BCL2L11: variants seen among roughly 807,000 people sequenced by gnomAD.
BCL2L11 encodes the protein bcl-2-like protein 11.
In BCL2L11, 15 loss-of-function variants were observed where a neutral mutation model predicts 20.6. The ratio of observed to expected loss-of-function variants is 0.73; its 90% CI spans 0.49 to 1.12. BCL2L11 has a LOEUF of 1.12. Ranked by LOEUF, BCL2L11 falls within the 50% of genes most tolerant of loss-of-function variation. The probability of loss-of-function intolerance (pLI) is 0.00; values close to 1 mark genes in which losing one functional copy is unlikely to be tolerated. For synonymous variants in BCL2L11, 108 were observed against 92.8 expected (o/e 1.16, Z -0.94); for missense variants, 292 against 260.9 (o/e 1.12, Z -0.82).
intron 2 of BCL2L11, among the ~76,000 whole-genome samples, chr2:111,140,162 T>C (rs778918143): frequency 2.2e-4 from 34 of 152,190 alleles, no homozygotes; most frequent in Non-Finnish European, 4.0e-4. Flanking sequence ...TGAACTTGGG[T>C]CTTTGGTACT....
intron 2 of BCL2L11, chr2:111,128,603 C>CT (rs58812324): frequency 0.24 from 323,199 of 1,369,860 alleles, 4,534 homozygotes; most frequent in Non-Finnish European, 0.25. Context: ...CTTACCAACA[C>CT]TTTTTTTTTT....
rs1278862668 is a variant in BCL2L11 at position 111,123,985 on chromosome 2, C to G, written c.240C>G (p.Phe80Leu). 7 of 1,614,134 alleles carry G rather than the reference C, an allele frequency of 4.3e-6. No homozygotes were observed. The highest frequency in any genetic ancestry group is 5.1e-6 in the Non-Finnish European group (6 of 1,180,048). The change falls in exon 2 of 4, where the codon TTC (phenylalanine) becomes TTG (leucine). Residue 80 changes from phenylalanine (F) to leucine (L), a missense_variant. Physicochemically the swap from Phe to Leu is conservative, Grantham distance 22. Transcript: ENST00000393256. ...CTTTTGCTACCAGATCCCCGCTTTTCATCTTTATGAGAAGATCCTCCCTGC... is the reference window on the plus strand; with the variant it reads ...CTTTTGCTACCAGATCCCCGCTTTTGATCTTTATGAGAAGATCCTCCCTGC... ...PGPFATRSPL[F>L]IFMRRSSLLS...
intron 1 of BCL2L11, chr2:111,122,552 C>G (rs1481699473): frequency 2.1e-6 from 2 of 952,650 alleles, no homozygotes; most frequent in Middle Eastern, 5.4e-4. Context: ...CGCGCGCGGA[C>G]CAATTGGGAA....
intron 2 of BCL2L11, among the ~76,000 whole-genome samples, chr2:111,143,094 G>C (rs1304338454): frequency 6.6e-6 from 1 of 152,052 alleles, no homozygotes; most frequent in African/African-American, 2.4e-5. Context: ...CTTAGTTTTG[G>C]GATTATTTTT....
chr2:111,149,316 GA>G, intron 2 of BCL2L11, among the ~76,000 whole-genome samples: 1 of 152,198 alleles, frequency 6.6e-6, no homozygotes, highest in Non-Finnish European at 1.5e-5. Flanking sequence ...ACAGCTTAAT[GA>G]AAGGGCAGTC....
rs1429573443 is a variant in BCL2L11, at chr2:111,123,810, C to T, written c.65C>T (p.Ala22Val). 3 of 1,495,066 alleles carry T rather than the reference C, an allele frequency of 2.0e-6. No homozygotes were observed. The highest frequency in any genetic ancestry group is 2.4e-5 in the East Asian group (1 of 42,328). The allele number at this position is 1,495,066 out of a possible 1,614,324, so 92.6% of individuals were successfully genotyped here. ...CDREGRQLQP[A>V]ERPPQLRPGA... ...CGAGAAGGTAGACAATTGCAGCCTGCGGAGAGGCCTCCCCAGCTCAGACCT... is the reference window on the plus strand; with the variant it reads ...CGAGAAGGTAGACAATTGCAGCCTGTGGAGAGGCCTCCCCAGCTCAGACCT... The change falls in exon 2 of 4, where the codon GCG (alanine) becomes GTG (valine). Residue 22 changes from alanine (A) to valine (V), a missense_variant. Physicochemically the swap from Ala to Val is moderately conservative, Grantham distance 64. Coordinates refer to ENST00000393256, the MANE Select transcript of BCL2L11 (RefSeq NM_138621.5).
At position 111,167,447 on chromosome 2, in the gene BCL2L11, A is replaced by C. The variant is rs142474437; in HGVS notation, c.*3216A>C. Reference sequence around the variant, plus strand: ...CATGCAAGCAAATTTTGCTGACTCCAGGCTTTATCTTTAGGAAAACAAAAA... The same window carrying C: ...CATGCAAGCAAATTTTGCTGACTCCCGGCTTTATCTTTAGGAAAACAAAAA... On this transcript the variant is annotated 3_prime_UTR_variant, in exon 4 of 4. Transcript: ENST00000393256. 1 of 152,326 alleles carries C rather than the reference A, an allele frequency of 6.6e-6. No individual in the cohort carries two copies. Among genetic ancestry groups the C allele is most frequent in the South Asian group, 2.1e-4 (1 of 4,838 alleles). The allele number at this position is 152,326 out of a possible 1,614,324, so 9.4% of individuals were successfully genotyped here. A position where few individuals can be genotyped will look rare whatever the true frequency, so the allele number is the denominator to read the frequency against.
intron 2 of BCL2L11, chr2:111,130,323 C>T (rs1318986819): frequency 8.0e-6 from 2 of 250,414 alleles, no homozygotes; most frequent in Non-Finnish European, 1.6e-5. Flanking sequence ...AGGCTGGTCT[C>T]GAACTCCTGA....
In BCL2L11 at chr2:111,124,146, A is replaced by G; in HGVS notation, c.394+7A>G. On this transcript the variant is annotated splice_region_variant and intron_variant, in intron 2 of 3. Coordinates refer to ENST00000393256, the MANE Select transcript of BCL2L11 (RefSeq NM_138621.5). The stretch of plus-strand genomic sequence containing the variant: ...CACTATCTCAGTGCAATGGGTAAGC[A>G]ATGCCTGGGTAAGAGGCAGTTGACG... 1.9e-5 allele frequency: 31 copies of G among 1,597,446 alleles called. 1 individual carries two copies. Among genetic ancestry groups the G allele is most frequent in the Non-Finnish European group, 2.6e-5 (31 of 1,171,306 alleles).
chr2:111,134,430 T>C (rs910770622), intron 2 of BCL2L11, among the ~76,000 whole-genome samples: 3 of 152,176 alleles, frequency 2.0e-5, no homozygotes, highest in African/African-American at 7.2e-5. Flanking sequence ...AGCTGAAGAG[T>C]AGAAACCTTA....
Position 111,166,232 on chromosome 2 carries a change from A to G in BCL2L11, c.*2001A>G, listed in dbSNP as rs1287628255. On this transcript the variant is annotated 3_prime_UTR_variant, in exon 4 of 4. Coordinates refer to ENST00000393256, the MANE Select transcript of BCL2L11 (RefSeq NM_138621.5). ...CACGTGCCAGTCTCCTGACTAGAGC[A>G]CTTTACTCTGTTTCCTCAGCCCTGC... 1 of 152,742 alleles carries G rather than the reference A, an allele frequency of 6.5e-6. No individual in the cohort carries two copies. Among genetic ancestry groups the G allele is most frequent in the Non-Finnish European group, 1.5e-5 (1 of 68,120 alleles). The allele number at this position is 152,742 out of a possible 1,614,324, so 9.5% of individuals were successfully genotyped here. A position where few individuals can be genotyped will look rare whatever the true frequency, so the allele number is the denominator to read the frequency against.
At chr2:111,151,456 T>C (rs2077248818) in intron 3 of BCL2L11, among the ~76,000 whole-genome samples, 1 of 152,228 alleles carries the variant, frequency 6.6e-6, no homozygotes, top group Non-Finnish European at 1.5e-5. Flanking sequence ...CTCTTTTAGC[T>C]CTTTTTTTTC....
chr2:111,128,603 CTTTTTT>C (rs58812324), intron 2 of BCL2L11: 17 of 1,402,130 alleles, frequency 1.2e-5, no homozygotes, highest in Admixed American at 2.9e-5. Flanking sequence ...CTTACCAACA[CTTTTTT>C]TTTTTTTTTT....
intron 3 of BCL2L11, chr2:111,153,947 T>C (rs2077527639): frequency 6.8e-7 from 1 of 1,467,692 alleles, no homozygotes; most frequent in Non-Finnish European, 9.0e-7. Flanking sequence ...TCTCTCCCGA[T>C]GCAGTGTCAT....
At position 111,144,149 on chromosome 2, in the gene BCL2L11, G is replaced by A. The variant is rs997043124; in HGVS notation, c.395-5895G>A. On this transcript the variant is annotated intron_variant, in intron 2 of 3. Transcript: ENST00000393256. ...TTATTATTGATAGTATTTTATCCTA[G>A]CAGCTGTTTTTGAAGCACTGTCTTG... Among the ~76,000 whole-genome samples the A allele has an allele frequency of 2.0e-5, 3 of 152,328 alleles. 1 individual carries two copies. The highest frequency in any genetic ancestry group is 7.2e-5 in the African/African-American group (3 of 41,564).
At chr2:111,125,441 T>C (rs1163917685) in intron 2 of BCL2L11, among the ~76,000 whole-genome samples, 1 of 151,884 alleles carries the variant, frequency 6.6e-6, no homozygotes, top group African/African-American at 2.4e-5. Context: ...ATGAACAAGA[T>C]AGAAGTAAGT....
chr2:111,129,396 C>T (rs1348364726), intron 2 of BCL2L11, among the ~76,000 whole-genome samples: 1 of 152,146 alleles, frequency 6.6e-6, no homozygotes, highest in East Asian at 1.9e-4. Context: ...GTTCCAAACA[C>T]ATTTATTAAT....
At chr2:111,129,726 C>A (rs922220154) in intron 2 of BCL2L11, among the ~76,000 whole-genome samples, 1 of 152,196 alleles carries the variant, frequency 6.6e-6, no homozygotes, top group Non-Finnish European at 1.5e-5. Flanking sequence ...CAGAACAACT[C>A]CACCACAAGG....
rs1215414109 is a variant in BCL2L11, at chr2:111,123,681, C to T, written c.-13-52C>T. 12 of 1,356,190 alleles carry T rather than the reference C, an allele frequency of 8.8e-6. No homozygotes were observed. In the East Asian group the frequency reaches 2.6e-4, roughly 29 times the overall value. 84.0% of individuals were successfully genotyped at this position (1,356,190 alleles called of 1,614,324 possible). A position where few individuals can be genotyped will look rare whatever the true frequency, so the allele number is the denominator to read the frequency against. ...CTAGGTGAGAGCTAATTTGTTTATTCATCGATTTTTTTTTTTGCTTAAAAT... is the reference window on the plus strand; with the variant it reads ...CTAGGTGAGAGCTAATTTGTTTATTTATCGATTTTTTTTTTTGCTTAAAAT... On this transcript the variant is annotated intron_variant, in intron 1 of 3. Coordinates refer to ENST00000393256, the MANE Select transcript of BCL2L11 (RefSeq NM_138621.5).
Sources: allele counts gnomAD v4.1 joint callset (sites outside exome capture counted in the v4.1 genomes callset), GRCh38; gene constraint gnomAD v4.1.1; transcripts MANE v1.5; gene names NCBI Gene and HGNC (gene_info 2026-07-23, HGNC 2026-07-21).